Variants in ZDHHC17 observed in about 807,000 individuals in gnomAD.
The protein encoded by ZDHHC17 is zDHHC palmitoyltransferase 17.
Under a neutral mutation model 90.3 loss-of-function variants are expected in ZDHHC17, and 40 were observed. The observed-to-expected ratio is 0.44, with a 90% confidence interval of 0.34 to 0.58. ZDHHC17 has a LOEUF of 0.58. ZDHHC17 is among the 20% of genes least tolerant of loss of function. The pLI is 0.01. For missense variants in ZDHHC17, 614 were observed against 780.8 expected (o/e 0.79, Z 2.55); for synonymous variants, 235 against 252.4 (o/e 0.93, Z 0.65).
chr12:76,802,081 A>G lies in ZDHHC17; in HGVS notation c.198-3236A>G, dbSNP rs148065586. Among the ~76,000 whole-genome samples the G allele has an allele frequency of 4.7e-4, 72 of 152,298 alleles. No homozygotes were observed. The East Asian group carries it at 0.013, about 27-fold the overall frequency. ...TTCATATGCCTTTGAGTTACTGTCT[A>G]GTGTCCCTTAATTTCACCTGGCAGG... On this transcript the variant is annotated intron_variant, in intron 2 of 16. Transcript: ENST00000426126.
chr12:76,797,878 A>T (rs1592471977), intron 2 of ZDHHC17, among the ~76,000 whole-genome samples: 1 of 151,554 alleles, frequency 6.6e-6, no homozygotes, highest in African/African-American at 2.4e-5. Context: ...CAGGAGGCGG[A>T]GGTTGCAGTG....
rs535643911 is a variant in ZDHHC17 at position 76,811,838 on chromosome 12, G to T, written c.543+1981G>T. 3.9e-5 allele frequency among the ~76,000 whole-genome samples: 6 copies of T among 151,998 alleles called. No homozygotes were observed. In the East Asian group the frequency reaches 1.2e-3, roughly 29 times the overall value. ...GTAATCTGAAAATCCGGAATGCTGC[G>T]AAATCCAAAACGTTTTGAGTGTCAA... On this transcript the variant is annotated intron_variant, in intron 5 of 16. Transcript: ENST00000426126.
intron 1 of ZDHHC17, among the ~76,000 whole-genome samples, chr12:76,780,458 G>A (rs1952609312): frequency 6.6e-6 from 1 of 152,148 alleles, no homozygotes; most frequent in African/African-American, 2.4e-5. Context: ...TTCTGTTAGT[G>A]ATCATTTCTC....
At chr12:76,847,656 C>A (rs1245659909) in intron 14 of ZDHHC17, among the ~76,000 whole-genome samples, 1 of 152,140 alleles carries the variant, frequency 6.6e-6, no homozygotes, top group Non-Finnish European at 1.5e-5. Context: ...GAGTTTGAGA[C>A]CAGCCTGGGC....
At position 76,809,892 on chromosome 12, in the gene ZDHHC17, G is replaced by C. The variant is rs1255424197; in HGVS notation, c.543+35G>C. The C allele has an allele frequency of 3.8e-6, 6 of 1,591,634 alleles. No homozygotes were observed. The Admixed American group carries it at 1.0e-4, about 28-fold the overall frequency. The stretch of plus-strand genomic sequence containing the variant: ...ATCTCAGTGGTATGGATTTTAATCA[G>C]ATGTTCTTCATAGTTTAAATGCCTA... On this transcript the variant is annotated intron_variant, in intron 5 of 16. Transcript: ENST00000426126.
intron 1 of ZDHHC17, among the ~76,000 whole-genome samples, chr12:76,783,036 T>C (rs1313520294): frequency 1.3e-5 from 2 of 152,134 alleles, no homozygotes; most frequent in East Asian, 3.9e-4. Flanking sequence ...TGGCAAGGGT[T>C]GACGTTGAGG....
chr12:76,794,709 A>G (rs944765702), intron 1 of ZDHHC17, among the ~76,000 whole-genome samples: 5 of 152,200 alleles, frequency 3.3e-5, no homozygotes, highest in African/African-American at 1.2e-4. Flanking sequence ...TTCCAGTAAC[A>G]TTTTTAAGCT....
chr12:76,833,960 G>A (rs911671342), intron 10 of ZDHHC17, among the ~76,000 whole-genome samples: 1 of 152,070 alleles, frequency 6.6e-6, no homozygotes, highest in African/African-American at 2.4e-5. Context: ...TAGGGTGAGA[G>A]TTTTATCAGT....
chr12:76,780,164 C>T (rs1294356681), intron 1 of ZDHHC17, among the ~76,000 whole-genome samples: 5 of 152,060 alleles, frequency 3.3e-5, no homozygotes, highest in Admixed American at 3.3e-4. Context: ...TTAGGTTAAA[C>T]TTGTCTATTG....
intron 1 of ZDHHC17, among the ~76,000 whole-genome samples, chr12:76,787,651 G>A (rs1952705669): frequency 6.6e-6 from 1 of 151,950 alleles, no homozygotes; most frequent in African/African-American, 2.4e-5. Context: ...TGTCTCTTGT[G>A]TGTGTGTGCG....
intron 7 of ZDHHC17, 99 bp from the exon 8 acceptor site, chr12:76,822,307 A>G (rs1008134260): frequency 1.6e-5 from 23 of 1,474,254 alleles, no homozygotes; most frequent in Non-Finnish European, 2.1e-5. Context: ...AACAACGTTA[A>G]TAGGGCAGTA....
At chr12:76,770,680 G>A (rs943989614) in intron 1 of ZDHHC17, among the ~76,000 whole-genome samples, 1 of 152,198 alleles carries the variant, frequency 6.6e-6, no homozygotes, top group Non-Finnish European at 1.5e-5. Flanking sequence ...GCTTACGCCT[G>A]TAATTGCGGC....
At position 76,807,139 on chromosome 12, in the gene ZDHHC17, T is replaced by A. The variant is rs11830141; in HGVS notation, c.320+1700T>A. ...GGACTTTAAGAGTTTGAATTTTAAC[T>A]ATAATTCTATTAAAAACTTGAGTAG... On this transcript the variant is annotated intron_variant, in intron 3 of 16. Coordinates refer to ENST00000426126, the MANE Select transcript of ZDHHC17 (RefSeq NM_015336.4). Among the ~76,000 whole-genome samples the A allele has an allele frequency of 3.2e-3, 480 of 152,334 alleles. 4 individuals are homozygous for A. Among genetic ancestry groups the A allele is most frequent in the African/African-American group, 0.01 (436 of 41,576 alleles).
At chr12:76,821,257 A>G in intron 7 of ZDHHC17, 1 of 563,664 alleles carries the variant, frequency 1.8e-6, no homozygotes, top group Admixed American at 4.4e-5. Flanking sequence ...TAAAGTAAAT[A>G]TCCCTATTTG....
At chr12:76,803,547 G>T (rs1024367565) in intron 2 of ZDHHC17, among the ~76,000 whole-genome samples, 6 of 152,154 alleles carry the variant, frequency 3.9e-5, no homozygotes, top group African/African-American at 1.4e-4. Context: ...ATGTCTGGTG[G>T]TATTGTGGGA....
chr12:76,795,588 A>G (rs1952810339), intron 1 of ZDHHC17, among the ~76,000 whole-genome samples: 2 of 152,294 alleles, frequency 1.3e-5, no homozygotes, highest in Admixed American at 1.3e-4. Context: ...GAAATAAGAA[A>G]GTGTTACTGG....
At chr12:76,793,001 A>C (rs538623458) in intron 1 of ZDHHC17, among the ~76,000 whole-genome samples, 1 of 152,306 alleles carries the variant, frequency 6.6e-6, no homozygotes, top group South Asian at 2.1e-4. Flanking sequence ...CAAATAAGGC[A>C]AATGCCTAGC....
At chr12:76,802,907 A>T (rs962612466) in intron 2 of ZDHHC17, among the ~76,000 whole-genome samples, 1 of 152,216 alleles carries the variant, frequency 6.6e-6, no homozygotes, top group Admixed American at 6.5e-5. Context: ...AGTATGACCC[A>T]TACAGCCGTT....
At chr12:76,793,296 G>A (rs1397150413) in intron 1 of ZDHHC17, among the ~76,000 whole-genome samples, 1 of 152,224 alleles carries the variant, frequency 6.6e-6, no homozygotes, top group Non-Finnish European at 1.5e-5. Flanking sequence ...CGAAGTGGTA[G>A]ATCACTTCAG....
Sources: allele counts gnomAD v4.1 joint callset (sites outside exome capture counted in the v4.1 genomes callset), GRCh38; gene constraint gnomAD v4.1.1; transcripts MANE v1.5; gene names NCBI Gene and HGNC (gene_info 2026-07-23, HGNC 2026-07-21).